Variants in DOCK8 observed in about 807,000 individuals in gnomAD.
DOCK8 encodes the protein dedicator of cytokinesis protein 8.
DOCK8 carries 141 observed loss-of-function variants against 245.6 expected under a neutral mutation model. The ratio of observed to expected loss-of-function variants is 0.57; its 90% confidence interval spans 0.50 to 0.66. The LOEUF (loss-of-function observed/expected upper bound fraction) is 0.66, where lower values mean the gene tolerates loss of function less well. DOCK8 is among the 30% of genes least tolerant of loss of function. DOCK8 has a pLI of 0.00. For missense variants in DOCK8, 2,965 were observed against 2,603.4 expected (o/e 1.14, Z -3.02); for synonymous variants, 1,168 against 970.2 (o/e 1.20, Z -3.79).
At chr9:422,801 A>G (rs1218995024) in intron 33 of DOCK8, among the ~76,000 whole-genome samples, 2 of 152,168 alleles carry the variant, frequency 1.3e-5, no homozygotes, top group African/African-American at 2.4e-5. Flanking sequence ...CCTGGCCAAC[A>G]TGGTGAAACC....
intron 15 of DOCK8, chr9:369,174 A>G (rs1234893978): frequency 3.2e-4 from 1 of 3,124 alleles, no homozygotes; most frequent in African/African-American, 5.3e-4. Flanking sequence ...GAAAAAAAGA[A>G]AAAAAAAAAC....
intron 2 of DOCK8, among the ~76,000 whole-genome samples, chr9:278,478 A>G (rs1476951361): frequency 4.6e-5 from 7 of 152,254 alleles, no homozygotes; most frequent in Non-Finnish European, 1.0e-4. Flanking sequence ...TAGAGGGCCT[A>G]TCCTCATAGA....
chr9:227,183 C>T (rs1403787502), intron 1 of DOCK8, among the ~76,000 whole-genome samples: 2 of 152,062 alleles, frequency 1.3e-5, no homozygotes, highest in Admixed American at 6.5e-5. Flanking sequence ...GAAGAAGAAG[C>T]AATTATAAAA....
intron 1 of DOCK8, among the ~76,000 whole-genome samples, chr9:261,069 G>C (rs139791797): frequency 6.8e-6 from 1 of 146,904 alleles, no homozygotes; most frequent in East Asian, 2.0e-4. Flanking sequence ...CTGGGCGACA[G>C]AGCAAGACTC....
chr9:340,872 T>C (rs1006969099), intron 14 of DOCK8, among the ~76,000 whole-genome samples: 1 of 152,164 alleles, frequency 6.6e-6, no homozygotes, highest in Non-Finnish European at 1.5e-5. Context: ...AGTGGACATA[T>C]GTTTTCCAGA....
At position 389,003 on chromosome 9, in the gene DOCK8, G is replaced by GA. The variant is rs375139726; in HGVS notation, c.2875-1458dup. ...AGCTTTCTTACCTACTTTCTTACCAGAAAAAAAAAATGAGTTTATCTACGT... is the reference window on the plus strand; with the variant it reads ...AGCTTTCTTACCTACTTTCTTACCAGAAAAAAAAAAATGAGTTTATCTACGT... On this transcript the variant is annotated intron_variant, in intron 23 of 47. Transcript: ENST00000432829. Among the ~76,000 whole-genome samples, 422 of 148,888 alleles carry GA rather than the reference G, an allele frequency of 2.8e-3. 5 individuals carry two copies. Among genetic ancestry groups the GA allele is most frequent in the African/African-American group, 9.5e-3 (385 of 40,702 alleles).
intron 14 of DOCK8, among the ~76,000 whole-genome samples, chr9:343,388 C>G (rs113811221): frequency 6.6e-6 from 1 of 151,740 alleles, no homozygotes; most frequent in Non-Finnish European, 1.5e-5. Context: ...TTCTAGCTAC[C>G]CAGAAGGCTG....
intron 24 of DOCK8, among the ~76,000 whole-genome samples, chr9:395,938 A>G (rs558727425): frequency 1.6e-4 from 24 of 152,230 alleles, no homozygotes; most frequent in African/African-American, 4.1e-4. Context: ...CTGTCAGTTG[A>G]CGAATTGTTT....
intron 25 of DOCK8, among the ~76,000 whole-genome samples, chr9:398,433 G>A (rs76127318): frequency 0.02 from 3,062 of 152,250 alleles, 123 homozygotes; most frequent in African/African-American, 0.07. Context: ...AGTGTCAAAG[G>A]AAATTGATTT....
At chr9:335,584 A>C (rs540211358) in intron 11 of DOCK8, among the ~76,000 whole-genome samples, 1 of 152,226 alleles carries the variant, frequency 6.6e-6, no homozygotes, top group African/African-American at 2.4e-5. Flanking sequence ...TCTTCCTGCC[A>C]CAGCTTTCTT....
intron 9 of DOCK8, 25 bp from the exon 10 acceptor site, chr9:332,373 A>T (rs760742104): frequency 1.0e-5 from 16 of 1,538,188 alleles, no homozygotes; most frequent in Admixed American, 1.7e-5. Flanking sequence ...TATGTGCCTT[A>T]TTTTAATATT....
At chr9:438,745 A>G (rs2056987744) in intron 39 of DOCK8, among the ~76,000 whole-genome samples, 1 of 152,220 alleles carries the variant, frequency 6.6e-6, no homozygotes, top group Non-Finnish European at 1.5e-5. Context: ...AACTGCTGCA[A>G]TGCCATGAAA....
At chr9:311,309 A>ACCTCACTGCAGCCTTGAACTC (rs1475063050) in intron 5 of DOCK8, among the ~76,000 whole-genome samples, 1 of 149,502 alleles carries the variant, frequency 6.7e-6, no homozygotes, top group African/African-American at 2.5e-5. Context: ...AGGTAATCAT[A>ACCTCACTGCAGCCTTGAACTC]CCTCACTGCA....
intron 1 of DOCK8, among the ~76,000 whole-genome samples, chr9:216,758 G>T (rs200658329): frequency 6.6e-6 from 1 of 152,074 alleles, no homozygotes; most frequent in Non-Finnish European, 1.5e-5. Flanking sequence ...TGTGACTGGG[G>T]CAGAAAGATG....
At chr9:434,689 T>A in intron 38 of DOCK8, 94 bp from the exon 39 acceptor site, 1 of 1,364,430 alleles carries the variant, frequency 7.3e-7, no homozygotes, top group Non-Finnish European at 1.0e-6. Flanking sequence ...CAGGGAACTC[T>A]TGGGGAGAAA....
At chr9:301,985 T>TA (rs768076842) in intron 4 of DOCK8, among the ~76,000 whole-genome samples, 11,329 of 144,844 alleles carry the variant, frequency 0.078, 633 homozygotes, top group African/African-American at 0.16. Flanking sequence ...TTCACAGAAT[T>TA]TAAAAAAAAA....
chr9:407,875 G>T (rs142002860), intron 28 of DOCK8, among the ~76,000 whole-genome samples: 1 of 152,066 alleles, frequency 6.6e-6, no homozygotes, highest in Non-Finnish European at 1.5e-5. Flanking sequence ...CACCATCCAG[G>T]GACTCAGATT....
intron 44 of DOCK8, among the ~76,000 whole-genome samples, chr9:449,308 C>G (rs1034441430): frequency 5.3e-5 from 8 of 152,126 alleles, no homozygotes; most frequent in African/African-American, 1.7e-4. Flanking sequence ...CAAGATCATG[C>G]CATTGCACTC....
intron 37 of DOCK8, among the ~76,000 whole-genome samples, chr9:432,814 T>C (rs2056765760): frequency 6.6e-6 from 1 of 152,150 alleles, no homozygotes; most frequent in African/African-American, 2.4e-5. Flanking sequence ...CCAGCTTGTC[T>C]GGTGAGGGGT....
Sources: gnomAD v4.1 joint callset for allele counts (sites outside exome capture counted in the v4.1 genomes callset) on GRCh38, gnomAD v4.1.1 for gene constraint, MANE v1.5 for transcripts, NCBI Gene and HGNC (gene_info 2026-07-23, HGNC 2026-07-21) for gene names.